The following JUP variants were observed in gnomAD, a reference collection of about 807,000 sequenced individuals.
JUP encodes the protein catenin (cadherin-associated protein), gamma 80kDa.
In JUP, 28 loss-of-function variants were observed where a neutral mutation model predicts 71.1. That is an observed-to-expected ratio of 0.39 (90% CI 0.29 to 0.54). JUP has a LOEUF of 0.54. Among genes scored for constraint, JUP ranks in the 20% least tolerant of loss-of-function variants. The probability of loss-of-function intolerance (pLI) is 0.62; values close to 1 mark genes in which losing one functional copy is unlikely to be tolerated. For missense variants in JUP, 869 were observed against 1,030.1 expected (o/e 0.84, Z 2.14); for synonymous variants, 401 against 438.9 (o/e 0.91, Z 1.08).
intron 1 of JUP, among the ~76,000 whole-genome samples, chr17:41,779,331 C>G (rs2047048781): frequency 7.3e-6 from 1 of 136,404 alleles, no homozygotes; most frequent in African/African-American, 2.8e-5. Context: ...CTAAACTTCC[C>G]AATTTTTTTT....
intron 1 of JUP, 161 bp downstream of exon 1, chr17:41,786,427 C>CAA (rs2047460967): frequency 1.3e-5 from 2 of 152,232 alleles, no homozygotes; most frequent in Admixed American, 1.3e-4. Flanking sequence ...GCGCGACCCC[C>CAA]AAGTCGCCGC....
chr17:41,761,955 A>G (rs1289272911), intron 8 of JUP, among the ~76,000 whole-genome samples: 5 of 148,392 alleles, frequency 3.4e-5, no homozygotes, highest in Admixed American at 6.8e-5. Context: ...TGTAATCCCA[A>G]CTACTCAGGA....
Position 41,769,535 on chromosome 17 carries a change from G to A in JUP, c.351C>T (p.Ala117=), listed in dbSNP as rs397517300. Reference sequence around the variant, plus strand: ...CCGACTTGAGCAGCTGGGACGGCTCGGCCAGTCGCTGCAGGTTGGTGGCCT... The same window carrying A: ...CCGACTTGAGCAGCTGGGACGGCTCAGCCAGTCGCTGCAGGTTGGTGGCCT... ...EGQATNLQRL[A]EPSQLLKSAI... Residue 117 remains alanine, a synonymous_variant, in exon 3 of 14, where the codon GCC becomes GCT. Coordinates refer to ENST00000393931, the MANE Select transcript of JUP (RefSeq NM_002230.4). 48 of 1,610,196 alleles carry A rather than the reference G, an allele frequency of 3.0e-5. No individual in the cohort carries two copies. The highest frequency in any genetic ancestry group is 4.5e-5 in the East Asian group (2 of 44,700).
At chr17:41,772,870 C>G in intron 1 of JUP, 1 of 985,438 alleles carries the variant, frequency 1.0e-6, no homozygotes, top group Non-Finnish European at 1.2e-6. Flanking sequence ...GGTGAACTTC[C>G]CGCTTGGTCT....
chr17:41,766,923 TG>T (rs1915813280), intron 5 of JUP, among the ~76,000 whole-genome samples: 1 of 150,992 alleles, frequency 6.6e-6, no homozygotes, highest in Non-Finnish European at 1.5e-5. Flanking sequence ...AGCACACGCC[TG>T]AAGTCCCAGC....
At chr17:41,781,651 T>A (rs1264890489) in intron 1 of JUP, among the ~76,000 whole-genome samples, 5 of 152,230 alleles carry the variant, frequency 3.3e-5, no homozygotes, top group African/African-American at 4.8e-5. Context: ...CACAGATGCC[T>A]TTCCCTCTCA....
rs1060502679 is a variant in JUP at position 41,758,803 on chromosome 17, G to A, written c.1565C>T (p.Ala522Val). 12 of 1,611,102 alleles carry A rather than the reference G, an allele frequency of 7.4e-6. No individual in the cohort carries two copies. The highest frequency in any genetic ancestry group is 8.5e-6 in the Non-Finnish European group (10 of 1,178,590). The part of the protein sequence containing the change: ...PANHAPLQEA[A>V]VIPRLVQLLV... ...CAGTTGGACGAGGCGGGGGATGACCGCTGCCTCCTGCAGCGGGGCATGGTT... is the reference window on the plus strand; with the variant it reads ...CAGTTGGACGAGGCGGGGGATGACCACTGCCTCCTGCAGCGGGGCATGGTT... The change falls in exon 9 of 14, where the codon GCG (alanine) becomes GTG (valine). Residue 522 changes from alanine (A) to valine (V), a missense_variant. Coordinates refer to ENST00000393931, the MANE Select transcript of JUP (RefSeq NM_002230.4).
intron 1 of JUP, among the ~76,000 whole-genome samples, chr17:41,778,608 A>G (rs2046999241): frequency 6.6e-6 from 1 of 151,584 alleles, no homozygotes; most frequent in East Asian, 1.9e-4. Context: ...ATCAAGATCA[A>G]GGCTAAAGAA....
At chr17:41,783,217 A>G (rs1203462873) in intron 1 of JUP, among the ~76,000 whole-genome samples, 1 of 151,554 alleles carries the variant, frequency 6.6e-6, no homozygotes, top group Non-Finnish European at 1.5e-5. Context: ...GCTGTACAAC[A>G]TTGGGGAAAT....
chr17:41,756,183 T>C lies in JUP; in HGVS notation c.2078A>G (p.Tyr693Cys), dbSNP rs782475413. The change falls in exon 13 of 14, where the codon TAT becomes TGT. Residue 693 changes from tyrosine (Y) to cysteine (C), a missense_variant. Tyr to Cys is a radical substitution (Grantham distance 194). Transcript: ENST00000393931. ...GCCCGGCACACACTTACCATCTCCA[T>C]AGGGCTCATTGATGGGAATCATGCT... ...AQSMIPINEP[Y>C]GDDMDATYRP... 42 of 1,613,718 alleles carry C rather than the reference T, an allele frequency of 2.6e-5. No individual in the cohort carries two copies. The East Asian group carries it at 2.9e-4, about 11-fold the overall frequency.
In JUP at chr17:41,755,470, C is replaced by T. The variant is rs1195928495; in HGVS notation, c.*274G>A. On this transcript the variant is annotated 3_prime_UTR_variant, in exon 14 of 14. Transcript: ENST00000393931. ...CGGGGACAGACAGGGGTCAGGGGCT[C>T]GGTGGACCTGCATCCCCAGAAGCTC... 7 of 432,294 alleles carry T rather than the reference C, an allele frequency of 1.6e-5. No homozygotes were observed. Among genetic ancestry groups the T allele is most frequent in the East Asian group, 6.8e-5 (2 of 29,334 alleles). The allele number at this position is 432,294 out of a possible 1,614,324, so 26.8% of individuals were successfully genotyped here.
intron 2 of JUP, among the ~76,000 whole-genome samples, chr17:41,770,184 C>T (rs1457193004): frequency 6.6e-6 from 1 of 152,120 alleles, no homozygotes; most frequent in African/African-American, 2.4e-5. Context: ...GGTAGCAATC[C>T]TCCCACTATA....
chr17:41,783,386 C>T (rs1402508619), intron 1 of JUP, among the ~76,000 whole-genome samples: 1 of 150,634 alleles, frequency 6.6e-6, no homozygotes, highest in Non-Finnish European at 1.5e-5. Flanking sequence ...TCCCTGGGCT[C>T]AGGTAATCCT....
At chr17:41,778,284 G>A (rs2046979304) in intron 1 of JUP, among the ~76,000 whole-genome samples, 1 of 152,202 alleles carries the variant, frequency 6.6e-6, no homozygotes, top group Non-Finnish European at 1.5e-5. Flanking sequence ...GTTACTGTAG[G>A]CAGGGTGCAG....
Position 41,757,786 on chromosome 17 carries a change from T to TGGGGAGAGGGGACGTGGGAAGCA in JUP, c.1774-25_1774-3dup, listed in dbSNP as rs1305927991. On this transcript the variant is annotated splice_polypyrimidine_tract_variant and splice_region_variant and intron_variant, in intron 10 of 13. Coordinates refer to ENST00000393931, the MANE Select transcript of JUP (RefSeq NM_002230.4). ...GTTCTCCACCGACGAGTACAGGAGC[T>TGGGGAGAGGGGACGTGGGAAGCA]GGGGAGAGGGGACGTGGGAAGCAGG... 1.2e-6 allele frequency: 2 copies of TGGGGAGAGGGGACGTGGGAAGCA among 1,605,142 alleles called. No homozygotes were observed. Among genetic ancestry groups the TGGGGAGAGGGGACGTGGGAAGCA allele is most frequent in the African/African-American group, 1.3e-5 (1 of 74,692 alleles).
chr17:41,780,954 G>T (rs2047127886), intron 1 of JUP, among the ~76,000 whole-genome samples: 1 of 152,138 alleles, frequency 6.6e-6, no homozygotes, highest in Admixed American at 6.5e-5. Flanking sequence ...GCCGAGGCGG[G>T]TGGATCATGA....
intron 8 of JUP, among the ~76,000 whole-genome samples, chr17:41,759,526 A>G (rs1914463509): frequency 6.7e-6 from 1 of 149,464 alleles, no homozygotes; most frequent in South Asian, 2.1e-4. Context: ...TAGTCCTCCA[A>G]GCCTGATTCT....
Position 41,755,330 on chromosome 17 carries a change from C to T in JUP, c.*414G>A, listed in dbSNP as rs369660058. The T allele has an allele frequency of 3.0e-5, 12 of 402,616 alleles. No individual in the cohort carries two copies. Among genetic ancestry groups the T allele is most frequent in the East Asian group, 7.1e-5 (2 of 28,140 alleles). The allele number at this position is 402,616 out of a possible 1,614,324, so 24.9% of individuals were successfully genotyped here. ...AGACCCTACGGAGGACCTCTGGAGG[C>T]GCAGGGTGCAGCAGGAAGTTACACC... On this transcript the variant is annotated 3_prime_UTR_variant, in exon 14 of 14. Coordinates refer to ENST00000393931, the MANE Select transcript of JUP (RefSeq NM_002230.4).
chr17:41,771,548 G>A, intron 2 of JUP, 99 bp downstream of exon 2: 1 of 1,131,012 alleles, frequency 8.8e-7, no homozygotes, highest in Non-Finnish European at 1.3e-6. Flanking sequence ...TCCTCCCTCA[G>A]ACCAGAGACC....
Sources: gnomAD v4.1 joint callset for allele counts (sites outside exome capture counted in the v4.1 genomes callset) on GRCh38, gnomAD v4.1.1 for gene constraint, MANE v1.5 for transcripts, NCBI Gene and HGNC (gene_info 2026-07-23, HGNC 2026-07-21) for gene names.